Variants in ZMAT2 observed in about 807,000 individuals in gnomAD.
ZMAT2 encodes the protein zinc finger matrin-type protein 2.
In ZMAT2, 5 loss-of-function variants were observed where a neutral mutation model predicts 27.5. The ratio of observed to expected loss-of-function variants is 0.18; its 90% confidence interval spans 0.10 to 0.38. ZMAT2 has a LOEUF of 0.38. ZMAT2 is among the 10% of genes least tolerant of loss of function. The pLI is 1.00. For synonymous variants in ZMAT2, 76 were observed against 78.6 expected, an observed-to-expected ratio of 0.97 and a Z score of 0.17; for missense variants, 124 against 243.9, an observed-to-expected ratio of 0.51 and a Z score of 3.27.
rs1209798942 is a variant in ZMAT2 at position 140,704,298 on chromosome 5, G to C, written c.311-128G>C. On this transcript the variant is annotated intron_variant, in intron 4 of 5. Transcript: ENST00000274712. ...TGCTCCTGGACCCAGCTGGCCAAGG[G>C]AGTTTCTTTTAGCCATAATTATTTT... is the stretch of plus-strand genomic sequence containing the variant. The C allele has an allele frequency of 2.3e-6, 3 of 1,319,816 alleles. No homozygotes were observed. In the African/African-American group the frequency reaches 4.4e-5, roughly 19 times the overall value. The allele number at this position is 1,319,816 out of a possible 1,614,324, so 81.8% of individuals were successfully genotyped here.
At chr5:140,701,230 C>T (rs1759958476) in intron 2 of ZMAT2, among the ~76,000 whole-genome samples, 1 of 152,164 alleles carries the variant, frequency 6.6e-6, no homozygotes, top group Non-Finnish European at 1.5e-5. Flanking sequence ...GAGTATTTTG[C>T]TGCTGTGCAT....
chr5:140,701,968 ATAATAT>A, intron 2 of ZMAT2, 32 bp from the exon 3 acceptor site: 1 of 1,575,168 alleles, frequency 6.3e-7, no homozygotes, highest in Non-Finnish European at 8.6e-7. Context: ...TTGAGGAACT[ATAATAT>A]TGAAGGGACT....
rs1019139999 is a variant in ZMAT2 at position 140,705,464 on chromosome 5, C to T, written c.457-149C>T. 5.4e-6 allele frequency: 5 copies of T among 925,884 alleles called. No homozygotes were observed. In the African/African-American group the frequency reaches 6.7e-5, roughly 12 times the overall value. The allele number at this position is 925,884 out of a possible 1,614,324, so 57.4% of individuals were successfully genotyped here. A position where few individuals can be genotyped will look rare whatever the true frequency, so the allele number is the denominator to read the frequency against. Reference sequence around the variant, plus strand: ...GGCAAGTTATATAACCTCTTTGTGCCTCAATATCCCCATATTAGAGATCTT... The same window carrying T: ...GGCAAGTTATATAACCTCTTTGTGCTTCAATATCCCCATATTAGAGATCTT... On this transcript the variant is annotated intron_variant, in intron 5 of 5. Transcript: ENST00000274712.
At chr5:140,704,129 CTT>C in intron 4 of ZMAT2, 138 bp downstream of exon 4, 2 of 791,798 alleles carry the variant, frequency 2.5e-6, no homozygotes, top group Non-Finnish European at 4.1e-6. Flanking sequence ...CTACTGGGCT[CTT>C]TTTTGATGCC....
intron 3 of ZMAT2, among the ~76,000 whole-genome samples, chr5:140,702,956 T>C (rs1177038666): frequency 6.6e-6 from 1 of 152,208 alleles, no homozygotes; most frequent in African/African-American, 2.4e-5. Context: ...CTGTATTAGT[T>C]ATCTATTGTT....
At position 140,705,596 on chromosome 5, in the gene ZMAT2, G is replaced by A. The variant is rs1199457520; in HGVS notation, c.457-17G>A. On this transcript the variant is annotated splice_polypyrimidine_tract_variant and intron_variant, in intron 5 of 5. Transcript: ENST00000274712. ...GCTGAGGAGTCTAAACTGATTCTGAGTGATTTTTCCCTCCAGGAGGAAAAG... is the reference window on the plus strand; with the variant it reads ...GCTGAGGAGTCTAAACTGATTCTGAATGATTTTTCCCTCCAGGAGGAAAAG... 2.5e-6 allele frequency: 4 copies of A among 1,603,728 alleles called. No individual in the cohort carries two copies. The highest frequency in any genetic ancestry group is 2.2e-5 in the East Asian group (1 of 44,722).
At chr5:140,703,239 T>A (rs1759996551) in intron 3 of ZMAT2, among the ~76,000 whole-genome samples, 1 of 151,572 alleles carries the variant, frequency 6.6e-6, no homozygotes, top group Non-Finnish European at 1.5e-5. Context: ...CTTTTTTCTT[T>A]TCTTTTTTTT....
chr5:140,705,805 C>T lies in ZMAT2; in HGVS notation c.*49C>T, dbSNP rs371033890. 4.7e-5 allele frequency: 75 copies of T among 1,587,832 alleles called. No individual in the cohort carries two copies. In the African/African-American group the frequency reaches 8.2e-4, roughly 17 times the overall value. On this transcript the variant is annotated 3_prime_UTR_variant, in exon 6 of 6. Transcript: ENST00000274712. Reference sequence around the variant, plus strand: ...TTGGCCTATGCTGGACCTAACTTTGCGTGTGTGTGTGTGTAGTAGGGGGTC... The same window carrying T: ...TTGGCCTATGCTGGACCTAACTTTGTGTGTGTGTGTGTGTAGTAGGGGGTC...
At chr5:140,703,310 C>T (rs559635984) in intron 3 of ZMAT2, among the ~76,000 whole-genome samples, 10 of 149,368 alleles carry the variant, frequency 6.7e-5, no homozygotes, top group South Asian at 2.1e-4. Context: ...GGTATGATCT[C>T]GGCTCACCAC....
At position 140,706,114 on chromosome 5, in the gene ZMAT2, T is replaced by A. The variant is rs1428275316; in HGVS notation, c.*358T>A. 1 of 204,850 alleles carries A rather than the reference T, an allele frequency of 4.9e-6. No homozygotes were observed. Among genetic ancestry groups the A allele is most frequent in the Non-Finnish European group, 9.8e-6 (1 of 101,930 alleles). 12.7% of individuals were successfully genotyped at this position (204,850 alleles called of 1,614,324 possible). ...TTGTCTGAACATCCCACCTTTATCC[T>A]GTGTTCTGCCTTTGTTTTAATTTTA... On this transcript the variant is annotated 3_prime_UTR_variant, in exon 6 of 6. Transcript: ENST00000274712.
At chr5:140,704,629 T>G in intron 5 of ZMAT2, 58 bp downstream of exon 5, 2 of 1,585,000 alleles carry the variant, frequency 1.3e-6, no homozygotes, top group Non-Finnish European at 1.7e-6. Context: ...TTATGAATCA[T>G]GGGAGACCCT....
intron 2 of ZMAT2, 64 bp from the exon 3 acceptor site, chr5:140,701,942 T>G: frequency 6.5e-7 from 1 of 1,542,212 alleles, no homozygotes; most frequent in East Asian, 2.3e-5. Flanking sequence ...TTTCATGCAT[T>G]TTTTTTCCTT....
chr5:140,704,604 GATTTGAGTTTTATGTT>G, intron 5 of ZMAT2, 33 bp downstream of exon 5: 1 of 1,607,602 alleles, frequency 6.2e-7, no homozygotes, highest in Non-Finnish European at 8.5e-7. Context: ...CTCTCCCCCA[GATTTGAGTTTTATGTT>G]ATGAATCATG....
rs116539554 is a variant in ZMAT2, at chr5:140,705,264, A to G, written c.457-349A>G. Among the ~76,000 whole-genome samples the G allele has an allele frequency of 6.4e-3, 976 of 152,196 alleles. 12 individuals carry two copies. The highest frequency in any genetic ancestry group is 0.022 in the African/African-American group (932 of 41,510). Reference sequence around the variant, plus strand: ...TGCAACAAAATTGAGAGGGAGTTATAAAGATTTCCCATATACCCACTGTCC... The same window carrying G: ...TGCAACAAAATTGAGAGGGAGTTATGAAGATTTCCCATATACCCACTGTCC... On this transcript the variant is annotated intron_variant, in intron 5 of 5. Coordinates refer to ENST00000274712, the MANE Select transcript of ZMAT2 (RefSeq NM_144723.3).
intron 5 of ZMAT2, 134 bp downstream of exon 5, chr5:140,704,705 A>G (rs557811182): frequency 4.7e-6 from 4 of 849,842 alleles, no homozygotes; most frequent in Middle Eastern, 4.0e-4. Context: ...ATTAGCGGAA[A>G]CATTTGTTGC....
At chr5:140,705,096 A>T (rs1349635914) in intron 5 of ZMAT2, among the ~76,000 whole-genome samples, 1 of 152,202 alleles carries the variant, frequency 6.6e-6, no homozygotes, top group Admixed American at 6.5e-5. Context: ...GGATACTTGA[A>T]GTACAGTTTC....
chr5:140,705,476 A>G, intron 5 of ZMAT2, 137 bp from the exon 6 acceptor site: 1 of 1,022,684 alleles, frequency 9.8e-7, no homozygotes, highest in Non-Finnish European at 1.4e-6. Flanking sequence ...CAATATCCCC[A>G]TATTAGAGAT....
At chr5:140,701,209 GAAGTT>G (rs1562070502) in intron 2 of ZMAT2, among the ~76,000 whole-genome samples, 1 of 152,170 alleles carries the variant, frequency 6.6e-6, no homozygotes, top group Non-Finnish European at 1.5e-5. Flanking sequence ...TAGTGACAGA[GAAGTT>G]AAGTAGAGTA....
rs1251706809 is a variant in ZMAT2 at position 140,703,903 on chromosome 5, G to A, written c.237-15G>A. 6.2e-7 allele frequency: 1 copy of A among 1,612,976 alleles called. No homozygotes were observed. The highest frequency in any genetic ancestry group is 1.3e-5 in the African/African-American group (1 of 74,992). On this transcript the variant is annotated splice_polypyrimidine_tract_variant and intron_variant, in intron 3 of 5. Transcript: ENST00000274712. ...TAAAACCATATTTGACTCAGGTGCTGTTTCTTCCTGTTAGATATTACTGCA... is the reference window on the plus strand; with the variant it reads ...TAAAACCATATTTGACTCAGGTGCTATTTCTTCCTGTTAGATATTACTGCA...
Sources: allele counts gnomAD v4.1 joint callset (sites outside exome capture counted in the v4.1 genomes callset), GRCh38; gene constraint gnomAD v4.1.1; transcripts MANE v1.5; gene names NCBI Gene and HGNC (gene_info 2026-07-23, HGNC 2026-07-21).